ITGA10: variants seen among roughly 807,000 people sequenced by gnomAD.
The protein encoded by ITGA10 is integrin subunit alpha 10, also known as integrin alpha-10.
ITGA10 carries 105 observed loss-of-function variants against 145.2 expected under a neutral mutation model. The ratio of observed to expected loss-of-function variants is 0.72; its 90% confidence interval spans 0.62 to 0.85. The LOEUF is 0.85. ITGA10 is among the 40% of genes least tolerant of loss of function. ITGA10 has a pLI of 0.00. For missense variants in ITGA10, 1,317 were observed against 1,444.5 expected (o/e 0.91, Z 1.43); for synonymous variants, 506 against 557.8 (o/e 0.91, Z 1.31).
chr1:145,900,149 G>A lies in ITGA10; in HGVS notation c.1830C>T (p.Tyr610=). The change falls in exon 15 of 30, where the codon TAC becomes TAT. Residue 610 remains tyrosine (Y), a synonymous_variant. Transcript: ENST00000369304. Reference sequence around the variant, plus strand: ...GCCGACCATCCACACTTCGGCCAAAGTAGCTGAGGGCATGTGGCATGGAGG... The same window carrying A: ...GCCGACCATCCACACTTCGGCCAAAATAGCTGAGGGCATGTGGCATGGAGG... The part of the protein sequence containing the change: ...AAASMPHALS[Y]FGRSVDGRLD... 6 of 1,614,042 alleles carry A rather than the reference G, an allele frequency of 3.7e-6. No homozygotes were observed. The highest frequency in any genetic ancestry group is 4.2e-6 in the Non-Finnish European group (5 of 1,179,938).
intron 3 of ITGA10, 75 bp from the exon 4 acceptor site, chr1:145,906,899 G>A (rs1553751314): frequency 1.6e-6 from 2 of 1,248,114 alleles, no homozygotes; most frequent in East Asian, 2.3e-5. Context: ...TGATTTTGGA[G>A]GAGAATGAGC....
Position 145,901,747 on chromosome 1 carries a change from G to A in ITGA10, c.1295-83C>T, listed in dbSNP as rs587769106. The A allele has an allele frequency of 1.6e-5, 24 of 1,538,120 alleles. No individual in the cohort carries two copies. Among genetic ancestry groups the A allele is most frequent in the East Asian group, 1.1e-4 (5 of 44,366 alleles). On this transcript the variant is annotated intron_variant, in intron 11 of 29. Coordinates refer to ENST00000369304, the MANE Select transcript of ITGA10 (RefSeq NM_003637.5). The surrounding 1 kb of genome is among the most constrained non-coding windows in gnomAD (Gnocchi z 4.3). ...GGGTTCCCTAAAGGCATAGCAGGAG[G>A]TCCCAAGGGAAGTAACCAGAGGTCA...
In ITGA10 at chr1:145,904,750, C is replaced by T. The variant is rs782046939; in HGVS notation, c.543G>A (p.Trp181Ter). ...TTCGTAGGAAGGTCTGAACTTCAGA[C>T]CAGGGGTAGATGCTGTTGGAGCCAT... ...VLDGSNSIYPWSEVQTFLRRL... is the reference protein window; with the variant it reads ...VLDGSNSIYP Residue 181 changes from tryptophan (W) to a stop codon, truncating the protein, a stop_gained, in exon 6 of 30, where the codon TGG becomes TGA. Coordinates refer to ENST00000369304, the MANE Select transcript of ITGA10 (RefSeq NM_003637.5). LOFTEE classifies it high-confidence loss of function. The T allele has an allele frequency of 9.9e-6, 16 of 1,613,742 alleles. No homozygotes were observed. Among genetic ancestry groups the T allele is most frequent in the Admixed American group, 1.7e-5 (1 of 59,966 alleles).
chr1:145,909,991 G>T lies in ITGA10; in HGVS notation c.24C>A (p.His8Gln), dbSNP rs782136906. 8 of 1,613,340 alleles carry T rather than the reference G, an allele frequency of 5.0e-6. No homozygotes were observed. Among genetic ancestry groups the T allele is most frequent in the Non-Finnish European group, 6.8e-6 (8 of 1,179,572 alleles). Residue 8 changes from histidine (H) to glutamine (Q), a missense_variant, in exon 1 of 30, where the codon CAC becomes CAA. By Grantham distance (24) the His-to-Gln change is conservative. Transcript: ENST00000369304. MELPFVTHLFLPLVFLTG... is the reference protein window; with the variant it reads MELPFVTQLFLPLVFLTG... Reference sequence around the variant, plus strand: ...TCAGGAACACCAGGGGCAAGAACAGGTGAGTGACGAAGGGGAGTTCCATGC... The same window carrying T: ...TCAGGAACACCAGGGGCAAGAACAGTTGAGTGACGAAGGGGAGTTCCATGC...
Position 145,906,736 on chromosome 1 carries a change from G to A in ITGA10, c.363C>T (p.Phe121=). 5.0e-6 allele frequency: 8 copies of A among 1,608,500 alleles called. 1 individual carries two copies. The highest frequency in any genetic ancestry group is 6.8e-6 in the Non-Finnish European group (8 of 1,175,086). Residue 121 remains phenylalanine (F), a synonymous_variant, in exon 4 of 30, where the codon TTC becomes TTT. Coordinates refer to ENST00000369304, the MANE Select transcript of ITGA10 (RefSeq NM_003637.5). ...SLLETDGDGG[F]MACAPLWSRA... is the part of the protein sequence containing the mutation. ...CACCACCCTCTCCTTAGCTCACCAT[G>A]AATCCCCCATCACCATCTGTCTCTA...
At chr1:145,895,517 C>G in intron 26 of ITGA10, 114 bp downstream of exon 26, 5 of 1,344,232 alleles carry the variant, frequency 3.7e-6, no homozygotes, top group Non-Finnish European at 5.3e-6. Context: ...CACTCCAGAT[C>G]AGGACCCTGG....
At chr1:145,896,656 G>A in intron 23 of ITGA10, 113 bp downstream of exon 23, 1 of 859,172 alleles carries the variant, frequency 1.2e-6, no homozygotes, top group Non-Finnish European at 2.0e-6. Flanking sequence ...AGACTGAGCA[G>A]CCGCAAGGGC....
intron 15 of ITGA10, among the ~76,000 whole-genome samples, chr1:145,899,768 C>G (rs1655974000): frequency 6.6e-6 from 1 of 152,174 alleles, no homozygotes; most frequent in Admixed American, 6.5e-5. Context: ...ACCTTCGCCT[C>G]CCAAAGTGCT....
chr1:145,906,078 C>T (rs1446815215), intron 5 of ITGA10: 2 of 299,308 alleles, frequency 6.7e-6, no homozygotes, highest in Non-Finnish European at 1.3e-5. Flanking sequence ...TGCACTAGCG[C>T]ACCCAGCTAA....
In ITGA10 at chr1:145,895,666, C is replaced by T; in HGVS notation, c.3079G>A (p.Val1027Met). 6.2e-7 allele frequency: 1 copy of T among 1,614,272 alleles called. No individual in the cohort carries two copies. The highest frequency in any genetic ancestry group is 8.5e-7 in the Non-Finnish European group (1 of 1,180,044). ...GTGTGTTGAAGCTCCTCTGGATGCA[C>T]AGGTGGGCCTGGGGGTTCAGTCAGG... ...QNLTEPPGPP[V>M]HPEELQHTNR... The change falls in exon 26 of 30, where the codon GTG (valine) becomes ATG (methionine). Residue 1027 changes from valine to methionine, a missense_variant. Transcript: ENST00000369304.
intron 28 of ITGA10, 102 bp downstream of exon 28, chr1:145,893,438 G>C (rs1378130682): frequency 7.1e-6 from 7 of 992,840 alleles, no homozygotes; most frequent in Non-Finnish European, 9.4e-6. Context: ...GGATCCTGCT[G>C]CCTGATGGAG....
chr1:145,893,658 G>A, intron 27 of ITGA10, 23 bp from the exon 28 acceptor site: 1 of 1,580,654 alleles, frequency 6.3e-7, no homozygotes, highest in Non-Finnish European at 8.7e-7. Context: ...TGGATAGGAA[G>A]ACATTTAAAA....
In ITGA10 at chr1:145,900,115, C is replaced by T; in HGVS notation, c.1864G>A (p.Asp622Asn). 6.2e-7 allele frequency: 1 copy of T among 1,613,948 alleles called. No individual in the cohort carries two copies. Among genetic ancestry groups the T allele is most frequent in the South Asian group, 1.1e-5 (1 of 91,036 alleles). The change falls in exon 15 of 30, where the codon GAT becomes AAT. Residue 622 changes from aspartate (D) to asparagine (N), a missense_variant. By Grantham distance (23) the Asp-to-Asn change is conservative. Coordinates refer to ENST00000369304, the MANE Select transcript of ITGA10 (RefSeq NM_003637.5). ...GRSVDGRLDL[D>N]GDDLVDVAVG... ...GCCACATCGACCAGATCATCTCCAT[C>T]CAGATCTAGCCGACCATCCACACTT...
At position 145,892,534 on chromosome 1, in the gene ITGA10, G is replaced by A. The variant is rs1337262794; in HGVS notation, c.*264C>T. The A allele has an allele frequency of 7.8e-6, 3 of 383,988 alleles. No homozygotes were observed. The highest frequency in any genetic ancestry group is 4.1e-5 in the Admixed American group (1 of 24,146). The allele number at this position is 383,988 out of a possible 1,614,324, so 23.8% of individuals were successfully genotyped here. On this transcript the variant is annotated 3_prime_UTR_variant, in exon 30 of 30. Coordinates refer to ENST00000369304, the MANE Select transcript of ITGA10 (RefSeq NM_003637.5). The stretch of plus-strand genomic sequence containing the variant: ...AAGGACCCCAAACAAAAGCCCCAGT[G>A]TTGGCTATGGAACCAGGATCACGAG...
chr1:145,900,853 C>A lies in ITGA10; in HGVS notation c.1728G>T (p.Gly576=). The A allele has an allele frequency of 6.2e-7, 1 of 1,614,044 alleles. No homozygotes were observed. The highest frequency in any genetic ancestry group is 8.5e-7 in the Non-Finnish European group (1 of 1,180,010). The stretch of plus-strand genomic sequence containing the variant: ...GGTACAGGTACAGTGCTCCCTGGTG[C>A]CCATCTTCCAGAGGCGCCCCCACAG... ...DVAVGAPLED[G]HQGALYLYHG... Residue 576 remains glycine, a synonymous_variant, in exon 14 of 30, where the codon GGG becomes GGT. Transcript: ENST00000369304.
rs1553746046 is a variant in ITGA10 at position 145,898,123 on chromosome 1, G to C, written c.2333C>G (p.Ser778Cys). ...GPVLNEGSPT[S>C]IQKLVPFSKD... ...GGCACTGCTGACCAGCTTTTGTATA[G>C]AGGTGGGTGAGCCCTCATTCAGCAC... Residue 778 changes from serine (S) to cysteine (C), a missense_variant, in exon 18 of 30, where the codon TCT (serine) becomes TGT (cysteine). By Grantham distance (112) the Ser-to-Cys change is moderately radical (BLOSUM62 -1). Transcript: ENST00000369304. 1.2e-6 allele frequency: 2 copies of C among 1,613,254 alleles called. No individual in the cohort carries two copies. Among genetic ancestry groups the C allele is most frequent in the East Asian group, 2.2e-5 (1 of 44,868 alleles).
In ITGA10 at chr1:145,897,331, G is replaced by GCT. The variant is rs782554374; in HGVS notation, c.2581_2582dup (p.Ser861ArgfsTer4). ...GGGCGGCACATTCCACCTTTATTGG[G>GCT]CTCTCTCTCTGAGGGCAGGGGAATG... On this transcript the variant is annotated frameshift_variant, in exon 21 of 30. Transcript: ENST00000369304. LOFTEE classifies it high-confidence loss of function. 12 of 1,613,888 alleles carry GCT rather than the reference G, an allele frequency of 7.4e-6. No homozygotes were observed. Among genetic ancestry groups the GCT allele is most frequent in the African/African-American group, 1.3e-5 (1 of 74,852 alleles).
rs781791678 is a variant in ITGA10 at position 145,892,817 on chromosome 1, T to A, written c.3485A>T (p.Glu1162Val). ...CTACATTCATTGCTCCAACTTCTCT[T>A]CTCTTTTTTCTTCCTCAGGGATTTT... ...HKKIPEEEKR[E>V]EKLEQ Residue 1162 changes from glutamate to valine, a missense_variant, in exon 30 of 30, where the codon GAA becomes GTA. Transcript: ENST00000369304. The A allele has an allele frequency of 1.9e-6, 3 of 1,613,670 alleles. No homozygotes were observed. Among genetic ancestry groups the A allele is most frequent in the Non-Finnish European group, 2.5e-6 (3 of 1,179,612 alleles).
intron 3 of ITGA10, 104 bp from the exon 4 acceptor site, chr1:145,906,928 G>T: frequency 8.7e-7 from 1 of 1,146,538 alleles, no homozygotes; most frequent in Non-Finnish European, 1.3e-6. Flanking sequence ...GTATCAGATT[G>T]GGGACAGGGA....
Sources: allele counts gnomAD v4.1 joint callset (sites outside exome capture counted in the v4.1 genomes callset), GRCh38; gene constraint gnomAD v4.1.1; non-coding constraint Gnocchi (gnomAD v3.1); transcripts MANE v1.5; gene names NCBI Gene and HGNC (gene_info 2026-07-23, HGNC 2026-07-21).